The following BCR variants were observed in gnomAD, a reference collection of about 807,000 sequenced individuals.
BCR encodes the protein BCR activator of RhoGEF and GTPase, also known as breakpoint cluster region protein.
Under a neutral mutation model 138.6 loss-of-function variants are expected in BCR, and 58 were observed. The observed-to-expected ratio is 0.42, with a 90% CI of 0.34 to 0.52. The LOEUF (loss-of-function observed/expected upper bound fraction) is 0.52. Ranked by LOEUF, BCR falls within the 20% of genes least tolerant of loss-of-function variation. BCR has a pLI of 0.06. For synonymous variants in BCR, 786 were observed against 730.1 expected, an observed-to-expected ratio of 1.08 and a Z score of -1.23; for missense variants, 1,599 against 1,727.2, an observed-to-expected ratio of 0.93 and a Z score of 1.32.
intron 2 of BCR, among the ~76,000 whole-genome samples, chr22:23,255,546 T>C (rs989973683): frequency 6.6e-6 from 1 of 152,232 alleles, no homozygotes; most frequent in Non-Finnish European, 1.5e-5. Flanking sequence ...GGCTAAGTGC[T>C]GAACTTGAGA....
chr22:23,271,690 G>A (rs2073510999), intron 6 of BCR, 98 bp downstream of exon 6: 3 of 1,217,314 alleles, frequency 2.5e-6, no homozygotes, highest in Non-Finnish European at 3.6e-6. Flanking sequence ...GCCCACTTGG[G>A]TCATCCCTTG....
At chr22:23,292,422 A>C (rs2073798443) in intron 14 of BCR, 119 bp from the exon 15 acceptor site, 6 of 821,720 alleles carry the variant, frequency 7.3e-6, no homozygotes, top group Non-Finnish European at 9.8e-6. Flanking sequence ...AAAGAAAGTT[A>C]CAACCTTTTT....
intron 4 of BCR, chr22:23,263,929 C>T: frequency 1.1e-6 from 1 of 929,774 alleles, no homozygotes. Flanking sequence ...GGGCACTTCT[C>T]ACCCCTGAAA....
intron 18 of BCR, 98 bp from the exon 19 acceptor site, chr22:23,311,599 C>G: frequency 9.5e-7 from 1 of 1,057,756 alleles, no homozygotes; most frequent in East Asian, 2.6e-5. Flanking sequence ...CGTCACCGTC[C>G]TCACCCCACC....
At chr22:23,289,741 G>A in intron 13 of BCR, 120 bp downstream of exon 13, 2 of 861,976 alleles carry the variant, frequency 2.3e-6, no homozygotes, top group Non-Finnish European at 3.8e-6. Context: ...GGTTCAGAAG[G>A]AAGAGCTATG....
intron 1 of BCR, among the ~76,000 whole-genome samples, chr22:23,187,025 T>G (rs1029575248): frequency 2.0e-5 from 3 of 152,212 alleles, no homozygotes; most frequent in Non-Finnish European, 4.4e-5. Flanking sequence ...CATGAGCCAC[T>G]GCTCTGGGCC....
chr22:23,292,651 T>C lies in BCR; in HGVS notation c.2880+13T>C, dbSNP rs765464054. The C allele has an allele frequency of 2.8e-5, 44 of 1,596,610 alleles. No individual in the cohort carries two copies. The highest frequency in any genetic ancestry group is 3.8e-5 in the Non-Finnish European group (44 of 1,166,766). On this transcript the variant is annotated intron_variant, in intron 15 of 22. Transcript: ENST00000305877. ...AAACTGGAACGAGGTGAGGAACTGATTCCACAAGGGCCCAGCCTGCCAGGT... is the reference window on the plus strand; with the variant it reads ...AAACTGGAACGAGGTGAGGAACTGACTCCACAAGGGCCCAGCCTGCCAGGT...
At chr22:23,259,599 C>T (rs1289325446) in intron 2 of BCR, among the ~76,000 whole-genome samples, 1 of 151,952 alleles carries the variant, frequency 6.6e-6, no homozygotes, top group East Asian at 1.9e-4. Flanking sequence ...TCACTGCAAC[C>T]TCCCCCTCCT....
chr22:23,260,929 TTCTG>T lies in BCR; in HGVS notation c.1462-17_1462-14del, dbSNP rs1286270093. The T allele has an allele frequency of 2.5e-6, 4 of 1,609,990 alleles. No individual in the cohort carries two copies. The highest frequency in any genetic ancestry group is 2.2e-5 in the East Asian group (1 of 44,864). On this transcript the variant is annotated splice_polypyrimidine_tract_variant and intron_variant, in intron 2 of 22. Coordinates refer to ENST00000305877, the MANE Select transcript of BCR (RefSeq NM_004327.4). ...CCCCCTACCACCCTTCCAGGCTGAC[TTCTG>T]TCTATTTCTCCTGCAGAGTGAGCTG...
chr22:23,252,114 C>T (rs1290067009), intron 1 of BCR, among the ~76,000 whole-genome samples: 2 of 152,216 alleles, frequency 1.3e-5, no homozygotes, highest in African/African-American at 4.8e-5. Flanking sequence ...CTCTGTCCTC[C>T]TGCGGGTACT....
intron 1 of BCR, among the ~76,000 whole-genome samples, chr22:23,208,837 A>G (rs1221592839): frequency 2.0e-5 from 3 of 152,140 alleles, no homozygotes; most frequent in African/African-American, 4.8e-5. Context: ...CCTGGGCAAC[A>G]GAGCGAGACT....
chr22:23,230,011 C>T (rs1387098952), intron 1 of BCR, among the ~76,000 whole-genome samples: 4 of 150,348 alleles, frequency 2.7e-5, no homozygotes, highest in Non-Finnish European at 4.4e-5. Flanking sequence ...TTTCTCCTTC[C>T]TGGGCTTTTG....
intron 14 of BCR, among the ~76,000 whole-genome samples, chr22:23,292,162 C>A (rs2073794979): frequency 6.6e-6 from 1 of 152,174 alleles, no homozygotes; most frequent in South Asian, 2.1e-4. Flanking sequence ...TTCCCACATC[C>A]CCCAGGATGG....
chr22:23,242,092 C>T lies in BCR; in HGVS notation c.1280-11707C>T, dbSNP rs111413811. On this transcript the variant is annotated intron_variant, in intron 1 of 22. Transcript: ENST00000305877. Reference sequence around the variant, plus strand: ...TAACAAGAGAAAAGCACACAAATGTCATTAGTTTTACAGGTGCATGGGAAA... The same window carrying T: ...TAACAAGAGAAAAGCACACAAATGTTATTAGTTTTACAGGTGCATGGGAAA... 5.5e-3 allele frequency among the ~76,000 whole-genome samples: 840 copies of T among 152,290 alleles called. 7 individuals carry two copies. The highest frequency in any genetic ancestry group is 0.019 in the African/African-American group (785 of 41,550).
chr22:23,262,671 G>A (rs2073375956), intron 4 of BCR: 1 of 639,556 alleles, frequency 1.6e-6, no homozygotes, highest in African/African-American at 2.0e-5. Context: ...CAGGGCCGCT[G>A]GGTGTGGGGC....
At chr22:23,264,133 G>A (rs939698088) in intron 4 of BCR, 30 of 1,520,190 alleles carry the variant, frequency 2.0e-5, no homozygotes, top group Non-Finnish European at 2.6e-5. Context: ...CCCCACAACA[G>A]CACCCTGTAC....
At chr22:23,266,253 AT>A (rs1257565549) in intron 4 of BCR, among the ~76,000 whole-genome samples, 2 of 151,312 alleles carry the variant, frequency 1.3e-5, no homozygotes, top group Middle Eastern at 3.2e-3. Flanking sequence ...GCCCAGCTAA[AT>A]TTTTTTGTGT....
At position 23,317,390 on chromosome 22, in the gene BCR, C is replaced by T. The variant is rs1252222027; in HGVS notation, c.*1868C>T. On this transcript the variant is annotated 3_prime_UTR_variant, in exon 23 of 23. Coordinates refer to ENST00000305877, the MANE Select transcript of BCR (RefSeq NM_004327.4). ...TCTGCTCTCTGTACCTATCTGGGCC[C>T]GGTGGGCTCCCTTGTCCTGGCTTCC... 1.1e-5 allele frequency: 2 copies of T among 182,338 alleles called. No individual in the cohort carries two copies. Among genetic ancestry groups the T allele is most frequent in the East Asian group, 2.0e-4 (2 of 9,886 alleles). 11.3% of individuals were successfully genotyped at this position (182,338 alleles called of 1,614,324 possible). A position where few individuals can be genotyped will look rare whatever the true frequency, so the allele number is the denominator to read the frequency against.
intron 1 of BCR, among the ~76,000 whole-genome samples, chr22:23,248,467 G>T (rs1325141878): frequency 6.6e-6 from 1 of 151,994 alleles, no homozygotes. Context: ...GTAGTCTAGG[G>T]GATGTGACCG....
Sources: gnomAD v4.1 joint callset for allele counts (sites outside exome capture counted in the v4.1 genomes callset) on GRCh38, gnomAD v4.1.1 for gene constraint, MANE v1.5 for transcripts, NCBI Gene and HGNC (gene_info 2026-07-23, HGNC 2026-07-21) for gene names.